STK32C: variants seen among roughly 807,000 people sequenced by gnomAD.
STK32C encodes serine/threonine kinase 32C, also known as serine/threonine-protein kinase 32C.
In STK32C, 31 loss-of-function variants were observed where a neutral mutation model predicts 56.5. The observed-to-expected ratio is 0.55, with a 90% confidence interval of 0.41 to 0.74. The LOEUF is 0.74. STK32C is among the 30% of genes least tolerant of loss of function. STK32C has a pLI of 0.00. For missense variants in STK32C, 544 were observed against 676.9 expected (o/e 0.80, Z 2.18); for synonymous variants, 309 against 289.4 (o/e 1.07, Z -0.69).
At chr10:132,217,993 G>A (rs1016176335) in intron 10 of STK32C, among the ~76,000 whole-genome samples, 1 of 152,146 alleles carries the variant, frequency 6.6e-6, no homozygotes, top group Admixed American at 6.5e-5. Flanking sequence ...TCTTGCCTCA[G>A]CCTCCCTGGT....
intron 2 of STK32C, among the ~76,000 whole-genome samples, chr10:132,238,699 C>T (rs565652169): frequency 6.7e-4 from 102 of 152,216 alleles, no homozygotes; most frequent in South Asian, 1.2e-3. Flanking sequence ...GTGGCTGGCC[C>T]AGGAGGGGCA....
chr10:132,300,979 G>T (rs1255928586), intron 1 of STK32C, among the ~76,000 whole-genome samples: 2 of 152,194 alleles, frequency 1.3e-5, no homozygotes, highest in Admixed American at 6.5e-5. Context: ...TTTAGGTGAG[G>T]AGGAAAATCT....
intron 1 of STK32C, among the ~76,000 whole-genome samples, chr10:132,300,263 A>G (rs2065873231): frequency 6.6e-6 from 1 of 152,240 alleles, no homozygotes; most frequent in South Asian, 2.1e-4. Flanking sequence ...TGGGGGCGAC[A>G]CTGACTCCCA....
downstream of STK32C, among the ~76,000 whole-genome samples, chr10:132,321,433 G>C (rs1219992992): frequency 6.6e-6 from 1 of 152,200 alleles, no homozygotes; most frequent in African/African-American, 2.4e-5. Flanking sequence ...CACATAGCCT[G>C]CTGGGACAAT....
intron 1 of STK32C, chr10:132,249,241 G>C (rs1031862975): frequency 7.8e-5 from 28 of 357,344 alleles, no homozygotes; most frequent in Non-Finnish European, 1.4e-4. Context: ...GGCTGAGGGT[G>C]GGGCTGTGGG....
At chr10:132,331,840 A>T (rs762989156), upstream of STK32C, 2 of 1,490,402 alleles carry the variant, frequency 1.3e-6, no homozygotes, top group South Asian at 1.2e-5. Flanking sequence ...GCGGGCGCGG[A>T]AAAACGGATG....
At chr10:132,208,365 C>T (rs929004054) in intron 11 of STK32C, among the ~76,000 whole-genome samples, 8 of 152,194 alleles carry the variant, frequency 5.3e-5, no homozygotes, top group African/African-American at 1.2e-4. Context: ...CGAGGCTCGG[C>T]GTGTTTCCAG....
intron 2 of STK32C, among the ~76,000 whole-genome samples, chr10:132,232,823 G>A (rs1000200533): frequency 5.3e-5 from 8 of 151,944 alleles, no homozygotes; most frequent in Non-Finnish European, 1.0e-4. Flanking sequence ...CCTATGAAAC[G>A]CCACTGACGG....
At chr10:132,308,561 G>A (rs2066155754), upstream of STK32C, among the ~76,000 whole-genome samples, 2 of 150,722 alleles carry the variant, frequency 1.3e-5, no homozygotes, top group East Asian at 2.0e-4. Context: ...TCCAAGCGCT[G>A]CGCCAGAGGG....
At chr10:132,304,997 C>T (rs975270208) in intron 1 of STK32C, among the ~76,000 whole-genome samples, 2 of 152,208 alleles carry the variant, frequency 1.3e-5, no homozygotes, top group Non-Finnish European at 2.9e-5. Context: ...GGTACCGGAG[C>T]CTCCTCTCAG....
At chr10:132,312,641 C>A (rs907020220), upstream of STK32C, among the ~76,000 whole-genome samples, 2 of 152,172 alleles carry the variant, frequency 1.3e-5, no homozygotes, top group Admixed American at 6.5e-5. Context: ...GGCAAGAATT[C>A]TTGGTGGCTC....
At chr10:132,262,619 C>T (rs949507124) in intron 1 of STK32C, among the ~76,000 whole-genome samples, 5 of 151,982 alleles carry the variant, frequency 3.3e-5, no homozygotes, top group South Asian at 2.1e-4. Flanking sequence ...TATTAAAAAA[C>T]GGGTAAGATA....
chr10:132,287,917 T>C (rs774140366), intron 1 of STK32C, among the ~76,000 whole-genome samples: 9 of 152,264 alleles, frequency 5.9e-5, no homozygotes, highest in East Asian at 3.9e-4. Context: ...CAAAATAATT[T>C]TGAGAAAGAA....
chr10:132,260,359 C>T (rs761057956), intron 1 of STK32C, among the ~76,000 whole-genome samples: 1 of 152,136 alleles, frequency 6.6e-6, no homozygotes, highest in African/African-American at 2.4e-5. Context: ...GCCAACTGCA[C>T]GGAAGAGGCA....
intron 1 of STK32C, among the ~76,000 whole-genome samples, chr10:132,253,402 C>CGAGGGAGCTG (rs1309297808): frequency 0.033 from 4,597 of 138,508 alleles, 352 homozygotes; most frequent in African/African-American, 0.11. Flanking sequence ...TGGAGGGAGT[C>CGAGGGAGCTG]GAGGGAGCTG....
At chr10:132,273,724 C>T (rs868157904) in intron 1 of STK32C, among the ~76,000 whole-genome samples, 4 of 151,900 alleles carry the variant, frequency 2.6e-5, no homozygotes, top group Non-Finnish European at 2.9e-5. Context: ...AATGAACACA[C>T]GGTGAGTGAA....
chr10:132,240,799 C>A (rs372565546), intron 2 of STK32C, among the ~76,000 whole-genome samples: 29 of 152,080 alleles, frequency 1.9e-4, no homozygotes, highest in African/African-American at 7.0e-4. Context: ...AGGGCAGAGA[C>A]CCACTTAGGG....
At chr10:132,269,350 G>A (rs2064739197) in intron 1 of STK32C, among the ~76,000 whole-genome samples, 1 of 152,210 alleles carries the variant, frequency 6.6e-6, no homozygotes, top group Non-Finnish European at 1.5e-5. Flanking sequence ...ATGGTGCCTG[G>A]AGCCTGGAAA....
intron 1 of STK32C, among the ~76,000 whole-genome samples, chr10:132,268,532 C>A (rs1482124860): frequency 1.8e-5 from 2 of 111,554 alleles, no homozygotes; most frequent in Non-Finnish European, 3.4e-5. Context: ...TGTGTGCATG[C>A]GTCACATTGT....
Sources: gnomAD v4.1 joint callset for allele counts (sites outside exome capture counted in the v4.1 genomes callset) on GRCh38, gnomAD v4.1.1 for gene constraint, MANE v1.5 for transcripts, NCBI Gene and HGNC (gene_info 2026-07-23, HGNC 2026-07-21) for gene names.